Variants in ASAH2B observed in about 807,000 individuals in gnomAD.
The protein encoded by ASAH2B is N-acylsphingosine amidohydrolase 2B.
A neutral mutation model predicts 2.9 loss-of-function variants in ASAH2B; 1 was observed. That is an observed-to-expected ratio of 0.34 (90% confidence interval 0.12 to 1.63). ASAH2B has a LOEUF of 1.63. ASAH2B is among the 40% of genes most tolerant of loss of function. ASAH2B has a pLI of 0.36. For synonymous variants in ASAH2B, 4 were observed against 13.3 expected, an observed-to-expected ratio of 0.30 and a Z score of 1.52; for missense variants, 9 against 37.7, an observed-to-expected ratio of 0.24 and a Z score of 1.99.
Position 50,756,594 on chromosome 10 carries a change from A to G in ASAH2B, c.*1854A>G, listed in dbSNP as rs1412561414. ...TTCTATTGAAGCTTTCCTCAAATCT[A>G]CTTGTGATTCCTGATAGCTCACTGG... On this transcript the variant is annotated 3_prime_UTR_variant, in exon 6 of 6. Transcript: ENST00000647317. 2 of 151,974 alleles carry G rather than the reference A, an allele frequency of 1.3e-5. No homozygotes were observed. The highest frequency in any genetic ancestry group is 2.9e-5 in the Non-Finnish European group (2 of 67,894). The allele number at this position is 151,974 out of a possible 1,614,324, so 9.4% of individuals were successfully genotyped here. A position where few individuals can be genotyped will look rare whatever the true frequency, so the allele number is the denominator to read the frequency against.
At position 50,753,170 on chromosome 10, in the gene ASAH2B, C is replaced by T. The variant is rs1251970067; in HGVS notation, c.293+614C>T. Among the ~76,000 whole-genome samples, 9 of 146,968 alleles carry T rather than the reference C, an allele frequency of 6.1e-5. No homozygotes were observed. The East Asian group carries it at 1.6e-3, about 26-fold the overall frequency. On this transcript the variant is annotated intron_variant, in intron 5 of 5. Transcript: ENST00000647317. The stretch of plus-strand genomic sequence containing the variant: ...ATAATGTGTCTGAAATAAGACAATA[C>T]TTCTGTTCCCAAGTCTATAAATTTA...
intron 3 of ASAH2B, among the ~76,000 whole-genome samples, chr10:50,747,607 T>C (rs1309099544): frequency 6.6e-6 from 1 of 151,412 alleles, no homozygotes; most frequent in East Asian, 1.9e-4. Context: ...CCTAGCTTAT[T>C]GCAAGTTTTT....
intron 3 of ASAH2B, among the ~76,000 whole-genome samples, chr10:50,745,706 A>C (rs1363956231): frequency 6.7e-6 from 1 of 149,736 alleles, no homozygotes; most frequent in Non-Finnish European, 1.5e-5. Flanking sequence ...TTCCTTAGGA[A>C]TTTCTACATA....
At chr10:50,749,800 T>G (rs1839962653) in intron 4 of ASAH2B, among the ~76,000 whole-genome samples, 1 of 147,444 alleles carries the variant, frequency 6.8e-6, no homozygotes, top group African/African-American at 2.5e-5. Context: ...TTTCTACGTT[T>G]AGGTATGTTT....
chr10:50,741,284 G>A (rs6479702), intron 1 of ASAH2B, among the ~76,000 whole-genome samples: 94,616 of 152,122 alleles, frequency 0.62, 33,579 homozygotes, highest in East Asian at 0.9. Context: ...GGCAAGTATT[G>A]CTATTAATTA....
At chr10:50,748,702 C>T (rs1415020252) in intron 3 of ASAH2B, among the ~76,000 whole-genome samples, 1 of 150,136 alleles carries the variant, frequency 6.7e-6, no homozygotes, top group African/African-American at 2.5e-5. Flanking sequence ...TGTGGACACC[C>T]AGCTCCATAT....
chr10:50,742,123 C>T lies in ASAH2B; in HGVS notation c.-99-792C>T, dbSNP rs116940038. Reference sequence around the variant, plus strand: ...TGCACATGTACCTCTGAACTTAATACAAATATAAAAAAAAAGAGATCTGGG... The same window carrying T: ...TGCACATGTACCTCTGAACTTAATATAAATATAAAAAAAAAGAGATCTGGG... On this transcript the variant is annotated intron_variant, in intron 1 of 5. Transcript: ENST00000647317. Among the ~76,000 whole-genome samples, 642 of 151,732 alleles carry T rather than the reference C, an allele frequency of 4.2e-3. 3 individuals are homozygous for T. Among genetic ancestry groups the T allele is most frequent in the Non-Finnish European group, 7.2e-3 (490 of 67,904 alleles).
At chr10:50,741,880 A>G (rs1382582342) in intron 1 of ASAH2B, among the ~76,000 whole-genome samples, 2 of 152,140 alleles carry the variant, frequency 1.3e-5, no homozygotes, top group East Asian at 3.8e-4. Context: ...AGTGTAGAAA[A>G]TGAATTGGAA....
Position 50,756,088 on chromosome 10 carries a change from A to G in ASAH2B, c.*1348A>G, listed in dbSNP as rs1478537563. ...TTTAAAATTCTTTAAGTTAACTACA[A>G]CCTCCCAGACTGCAAAGCAAATTTC... On this transcript the variant is annotated 3_prime_UTR_variant, in exon 6 of 6. Coordinates refer to ENST00000647317, the MANE Select transcript of ASAH2B (RefSeq NM_001321958.2). 7.8e-6 allele frequency: 1 copy of G among 128,164 alleles called. No homozygotes were observed. Among genetic ancestry groups the G allele is most frequent in the Admixed American group, 9.2e-5 (1 of 10,900 alleles). 7.9% of individuals were successfully genotyped at this position (128,164 alleles called of 1,614,324 possible).
chr10:50,740,341 A>G (rs1839809956), intron 1 of ASAH2B, among the ~76,000 whole-genome samples: 2 of 152,110 alleles, frequency 1.3e-5, no homozygotes, highest in African/African-American at 4.8e-5. Context: ...GAACTAAAAT[A>G]TAGTAGAGAA....
chr10:50,757,543 C>T lies in ASAH2B; in HGVS notation c.*2803C>T, dbSNP rs1837121180. On this transcript the variant is annotated 3_prime_UTR_variant, in exon 6 of 6. Coordinates refer to ENST00000647317, the MANE Select transcript of ASAH2B (RefSeq NM_001321958.2). Reference sequence around the variant, plus strand: ...TATGAATGTCCTTTTCTAATGTGCCCTCTTATGCTTCTCCTCCAATGTAAG... The same window carrying T: ...TATGAATGTCCTTTTCTAATGTGCCTTCTTATGCTTCTCCTCCAATGTAAG... 6.8e-6 allele frequency: 1 copy of T among 146,774 alleles called. No individual in the cohort carries two copies. Among genetic ancestry groups the T allele is most frequent in the South Asian group, 2.2e-4 (1 of 4,538 alleles). The allele number at this position is 146,774 out of a possible 1,614,324, so 9.1% of individuals were successfully genotyped here.
At chr10:50,742,708 C>T (rs1326640334) in intron 1 of ASAH2B, among the ~76,000 whole-genome samples, 1 of 152,184 alleles carries the variant, frequency 6.6e-6, no homozygotes. Context: ...AGAGAACCCA[C>T]TGCTTTTAAC....
intron 3 of ASAH2B, among the ~76,000 whole-genome samples, chr10:50,747,330 A>G (rs1310009173): frequency 6.6e-6 from 1 of 151,248 alleles, no homozygotes; most frequent in East Asian, 1.9e-4. Flanking sequence ...CCATTGGTCT[A>G]TGTGTACCAA....
rs1451142343 is a variant in ASAH2B, at chr10:50,754,206, A to G, written c.294-345A>G. Among the ~76,000 whole-genome samples, 18 of 150,980 alleles carry G rather than the reference A, an allele frequency of 1.2e-4. No homozygotes were observed. In the East Asian group the frequency reaches 3.5e-3, roughly 29 times the overall value. ...AAAACAAATGAATCTAGATGTGAAA[A>G]TAAGTGTCAGATAAGGGCTAAAAGA... On this transcript the variant is annotated intron_variant, in intron 5 of 5. Transcript: ENST00000647317.
rs1486873001 is a variant in ASAH2B at position 50,742,932 on chromosome 10, A to G, written c.-82A>G. On this transcript the variant is annotated 5_prime_UTR_variant, in exon 2 of 6. Coordinates refer to ENST00000647317, the MANE Select transcript of ASAH2B (RefSeq NM_001321958.2). ...TCCTGCAGGCTCAGCGATATGAGGC[A>G]GCATCGACAATTTATGGACCGCACG... 2 of 1,613,964 alleles carry G rather than the reference A, an allele frequency of 1.2e-6. No homozygotes were observed. The highest frequency in any genetic ancestry group is 1.7e-6 in the Non-Finnish European group (2 of 1,179,946).
In ASAH2B at chr10:50,759,047, A is replaced by C. The variant is rs1347875811; in HGVS notation, c.*4307A>C. The stretch of plus-strand genomic sequence containing the variant: ...TGTTTGTGTACTGGGCAAATAGACT[A>C]TTCCATGTAGAGGGAATATTGAGTA... On this transcript the variant is annotated 3_prime_UTR_variant, in exon 6 of 6. Coordinates refer to ENST00000647317, the MANE Select transcript of ASAH2B (RefSeq NM_001321958.2). The C allele has an allele frequency of 6.6e-5, 10 of 151,194 alleles. No individual in the cohort carries two copies. The highest frequency in any genetic ancestry group is 1.0e-4 in the Non-Finnish European group (7 of 67,550). 9.4% of individuals were successfully genotyped at this position (151,194 alleles called of 1,614,324 possible). A position where few individuals can be genotyped will look rare whatever the true frequency, so the allele number is the denominator to read the frequency against.
rs1451898042 is a variant in ASAH2B, at chr10:50,751,439, A to G, written c.205-1029A>G. Among the ~76,000 whole-genome samples the G allele has an allele frequency of 8.8e-3, 1,302 of 148,536 alleles. 1 individual carries two copies. Among genetic ancestry groups the G allele is most frequent in the African/African-American group, 0.031 (1,214 of 39,468 alleles). ...TTATCCCTGGTATTCAGAGGCCTAG[A>G]CTTGTTCTTCAGTCTCTACTCTAGA... On this transcript the variant is annotated intron_variant, in intron 4 of 5. Coordinates refer to ENST00000647317, the MANE Select transcript of ASAH2B (RefSeq NM_001321958.2).
chr10:50,743,255 T>C (rs1354300589), intron 2 of ASAH2B, among the ~76,000 whole-genome samples: 2 of 152,020 alleles, frequency 1.3e-5, no homozygotes, highest in Non-Finnish European at 2.9e-5. Flanking sequence ...ATATGTATTT[T>C]CTCACTATTT....
rs1837106809 is a variant in ASAH2B, at chr10:50,756,973, G to T, written c.*2233G>T. 1.3e-5 allele frequency: 2 copies of T among 151,784 alleles called. No homozygotes were observed. The highest frequency in any genetic ancestry group is 3.9e-4 in the East Asian group (2 of 5,158). The allele number at this position is 151,784 out of a possible 1,614,324, so 9.4% of individuals were successfully genotyped here. On this transcript the variant is annotated 3_prime_UTR_variant, in exon 6 of 6. Coordinates refer to ENST00000647317, the MANE Select transcript of ASAH2B (RefSeq NM_001321958.2). ...AAAGTGGAATATGGCAGATTGGGTA[G>T]GTAGGAGAACAATTTTGGAGATTTT...
Sources: gnomAD v4.1 joint callset for allele counts (sites outside exome capture counted in the v4.1 genomes callset) on GRCh38, gnomAD v4.1.1 for gene constraint, MANE v1.5 for transcripts, NCBI Gene and HGNC (gene_info 2026-07-23, HGNC 2026-07-21) for gene names.